Variants in HCN1 observed in about 807,000 individuals in gnomAD.
The protein encoded by HCN1 is potassium/sodium hyperpolarization-activated cyclic nucleotide-gated channel 1.
In HCN1, 13 loss-of-function variants were observed where a neutral mutation model predicts 78.9. The observed-to-expected ratio is 0.16, with a 90% CI of 0.11 to 0.26. HCN1 has a LOEUF of 0.26. HCN1 is among the 10% of genes least tolerant of loss of function. The pLI is 1.00. For synonymous variants in HCN1, 552 were observed against 455.5 expected (o/e 1.21, Z -2.70); for missense variants, 810 against 1,154.3 (o/e 0.70, Z 4.32).
intron 5 of HCN1, among the ~76,000 whole-genome samples, chr5:45,313,443 TC>T (rs1264130862): frequency 7.9e-5 from 12 of 152,006 alleles, no homozygotes; most frequent in Non-Finnish European, 1.8e-4. Flanking sequence ...AGCTAAAAAT[TC>T]TAAAAATCAG....
chr5:45,328,040 C>G (rs975675001), intron 5 of HCN1, among the ~76,000 whole-genome samples: 1 of 151,710 alleles, frequency 6.6e-6, no homozygotes, highest in Non-Finnish European at 1.5e-5. Context: ...TTCTGAAGAT[C>G]TGCCAAGATG....
In HCN1 at chr5:45,262,721, T is replaced by A; in HGVS notation, c.1873A>T (p.Ile625Phe). 3 of 1,614,138 alleles carry A rather than the reference T, an allele frequency of 1.9e-6. No individual in the cohort carries two copies. In the South Asian group the frequency reaches 3.3e-5, roughly 18 times the overall value. ...ACCATCTCCCTGTCATGTTTCACAA[T>A]CTGCTTGAGGATTTCGTTCTCCTGA... Reference protein sequence around the residue: ...NNQENEILKQIVKHDREMVQA... With the variant: ...NNQENEILKQFVKHDREMVQA... Residue 625 changes from isoleucine to phenylalanine, a missense_variant, in exon 8 of 8, where the codon ATT becomes TTT. Transcript: ENST00000303230.
intron 4 of HCN1, among the ~76,000 whole-genome samples, chr5:45,375,798 TATATCTTATATATAATATAATATTTTATG>T (rs1747625396): frequency 1.7e-5 from 2 of 116,966 alleles, no homozygotes; most frequent in Non-Finnish European, 3.2e-5. Context: ...TATTTTATGA[TATATCTTATATATAATATAATATTTTATG>T]ATATATCTTA....
chr5:45,568,200 G>A lies in HCN1; in HGVS notation c.849+76985C>T, dbSNP rs1033017923. ...TTTCTCTTTCTTGAGCAAATGTTACGATCATCAGATTAAAAAATCCACAAA... is the reference window on the plus strand; with the variant it reads ...TTTCTCTTTCTTGAGCAAATGTTACAATCATCAGATTAAAAAATCCACAAA... On this transcript the variant is annotated intron_variant, in intron 2 of 7. Coordinates refer to ENST00000303230, the MANE Select transcript of HCN1 (RefSeq NM_021072.4). Among the ~76,000 whole-genome samples, 7 of 151,620 alleles carry A rather than the reference G, an allele frequency of 4.6e-5. No homozygotes were observed. In the South Asian group the frequency reaches 8.4e-4, roughly 18 times the overall value.
chr5:45,353,106 C>T lies in HCN1; in HGVS notation c.1371G>A (p.Leu457=). The T allele has an allele frequency of 6.2e-7, 1 of 1,610,278 alleles. No homozygotes were observed. Among genetic ancestry groups the T allele is most frequent in the Non-Finnish European group, 8.5e-7 (1 of 1,177,684 alleles). ...ENILNELNDP[L]REEIVNFNCR... is the part of the protein sequence containing the mutation. ...TGAGGACAATAAATCTTACCTCTCT[C>T]AGAGGATCATTGAGTTCATTGAGAA... Residue 457 remains leucine (L), a synonymous_variant, in exon 5 of 8, where the codon CTG becomes CTA. Coordinates refer to ENST00000303230, the MANE Select transcript of HCN1 (RefSeq NM_021072.4).
At chr5:45,611,659 T>A (rs887512723) in intron 2 of HCN1, among the ~76,000 whole-genome samples, 1 of 152,182 alleles carries the variant, frequency 6.6e-6, no homozygotes, top group Non-Finnish European at 1.5e-5. Flanking sequence ...AGTCTTATAA[T>A]GCATATATTG....
intron 1 of HCN1, among the ~76,000 whole-genome samples, chr5:45,694,483 T>C (rs957224590): frequency 6.6e-6 from 1 of 152,188 alleles, no homozygotes; most frequent in African/African-American, 2.4e-5. Context: ...CGTTAAGGCA[T>C]GTAGTTGGTG....
intron 4 of HCN1, 85 bp downstream of exon 4, chr5:45,396,407 G>T: frequency 2.1e-6 from 2 of 954,392 alleles, no homozygotes; most frequent in Non-Finnish European, 3.3e-6. Context: ...TTATAGAGGA[G>T]ATGGTGTAGT....
intron 5 of HCN1, among the ~76,000 whole-genome samples, chr5:45,305,960 CTT>C (rs888378041): frequency 1.3e-5 from 2 of 151,940 alleles, no homozygotes; most frequent in Admixed American, 6.6e-5. Context: ...ACTTAAAACT[CTT>C]AGCTTTCTCA....
chr5:45,261,768 A>C lies in HCN1; in HGVS notation c.*153T>G, dbSNP rs1744739249. Reference sequence around the variant, plus strand: ...GATATATATTTTATAGTATATGTATATATATTTTTACATTTCACGTGTAGG... The same window carrying C: ...GATATATATTTTATAGTATATGTATCTATATTTTTACATTTCACGTGTAGG... On this transcript the variant is annotated 3_prime_UTR_variant, in exon 8 of 8. Transcript: ENST00000303230. 1 of 832,470 alleles carries C rather than the reference A, an allele frequency of 1.2e-6. No individual in the cohort carries two copies. The highest frequency in any genetic ancestry group is 1.9e-6 in the Non-Finnish European group (1 of 516,210). The allele number at this position is 832,470 out of a possible 1,614,324, so 51.6% of individuals were successfully genotyped here.
chr5:45,269,627 C>T (rs187831940), intron 6 of HCN1, among the ~76,000 whole-genome samples: 1 of 152,300 alleles, frequency 6.6e-6, no homozygotes, highest in East Asian at 1.9e-4. Context: ...GGGCTTTACT[C>T]TAGGCCACTG....
At chr5:45,670,294 T>A (rs1335848409) in intron 1 of HCN1, among the ~76,000 whole-genome samples, 1 of 151,782 alleles carries the variant, frequency 6.6e-6, no homozygotes, top group African/African-American at 2.4e-5. Context: ...TTTTCATTTT[T>A]CTTCAATAAT....
intron 4 of HCN1, among the ~76,000 whole-genome samples, chr5:45,375,961 T>C (rs1308132521): frequency 1.1e-4 from 13 of 118,314 alleles, no homozygotes; most frequent in Admixed American, 1.1e-3. Flanking sequence ...TTATATATGA[T>C]AAAATATTTT....
At chr5:45,438,585 G>A (rs1288593188) in intron 3 of HCN1, among the ~76,000 whole-genome samples, 9 of 144,424 alleles carry the variant, frequency 6.2e-5, no homozygotes, top group Non-Finnish European at 1.2e-4. Flanking sequence ...GCGAGACTCC[G>A]TCTCAAAAAA....
intron 6 of HCN1, among the ~76,000 whole-genome samples, chr5:45,284,238 T>C (rs1353355723): frequency 6.6e-6 from 1 of 152,028 alleles, no homozygotes; most frequent in Non-Finnish European, 1.5e-5. Flanking sequence ...CCCCATGACA[T>C]GAATTTACTT....
intron 2 of HCN1, among the ~76,000 whole-genome samples, chr5:45,541,232 C>A (rs1241149390): frequency 6.6e-6 from 1 of 152,092 alleles, no homozygotes; most frequent in African/African-American, 2.4e-5. Context: ...ATAATTTTCC[C>A]TTAAGTGCTT....
At position 45,373,993 on chromosome 5, in the gene HCN1, A is replaced by ATATTATATACATAATATATATT. The variant is rs1579851026; in HGVS notation, c.1231-20748_1231-20747insAATATATATTATGTATATAATA. 2.2e-4 allele frequency among the ~76,000 whole-genome samples: 18 copies of ATATTATATACATAATATATATT among 81,540 alleles called. No homozygotes were observed. The East Asian group carries it at 4.1e-3, about 19-fold the overall frequency. The allele number at this position is 81,540 out of a possible 152,430, so 53.5% of individuals were successfully genotyped here. On this transcript the variant is annotated intron_variant, in intron 4 of 7. Transcript: ENST00000303230. ...CATACAGTAGATACATAATATATAT[A>ATATTATATACATAATATATATT]ATATATATTATATACATAATATATA...
At chr5:45,615,344 A>T (rs1234683453) in intron 2 of HCN1, among the ~76,000 whole-genome samples, 1 of 152,058 alleles carries the variant, frequency 6.6e-6, no homozygotes, top group African/African-American at 2.4e-5. Flanking sequence ...CATTTTACGC[A>T]GATGGCTATA....
chr5:45,426,346 A>G (rs866471340), intron 3 of HCN1, among the ~76,000 whole-genome samples: 1 of 152,118 alleles, frequency 6.6e-6, no homozygotes, highest in African/African-American at 2.4e-5. Context: ...AACAAACAGG[A>G]TATGTCCCTG....
Sources: allele counts gnomAD v4.1 joint callset (sites outside exome capture counted in the v4.1 genomes callset), GRCh38; gene constraint gnomAD v4.1.1; transcripts MANE v1.5; gene names NCBI Gene and HGNC (gene_info 2026-07-23, HGNC 2026-07-21).